KCNB2: variants seen among roughly 807,000 people sequenced by gnomAD.
The protein encoded by KCNB2 is potassium voltage-gated channel subfamily B member 2.
Under a neutral mutation model 61.5 loss-of-function variants are expected in KCNB2, and 15 were observed. The observed-to-expected ratio is 0.24, with a 90% CI of 0.16 to 0.38. The LOEUF (loss-of-function observed/expected upper bound fraction) is 0.38, where lower values mean the gene tolerates loss of function less well. Among genes scored for constraint, KCNB2 ranks in the 10% least tolerant of loss-of-function variants. The probability of loss-of-function intolerance (pLI) is 1.00; values close to 1 mark genes in which losing one functional copy is unlikely to be tolerated. For synonymous variants in KCNB2, 457 were observed against 446.0 expected (o/e 1.02, Z -0.31); for missense variants, 828 against 1,125.2 (o/e 0.74, Z 3.78).
At chr8:72,733,692 T>C (rs541601627) in intron 2 of KCNB2, among the ~76,000 whole-genome samples, 1 of 152,158 alleles carries the variant, frequency 6.6e-6, no homozygotes, top group South Asian at 2.1e-4. Flanking sequence ...TCCAGGAAGG[T>C]AGTCGTTAGG....
At chr8:72,862,295 ATTAG>A (rs1349652945) in intron 2 of KCNB2, among the ~76,000 whole-genome samples, 2 of 152,258 alleles carry the variant, frequency 1.3e-5, no homozygotes, top group Non-Finnish European at 2.9e-5. Context: ...AATCTTTTTA[ATTAG>A]TTAAACAAAT....
chr8:72,621,593 G>T (rs184609481), intron 2 of KCNB2, among the ~76,000 whole-genome samples: 1 of 151,970 alleles, frequency 6.6e-6, no homozygotes. Context: ...TAGTTATAGG[G>T]TACATGATAT....
chr8:72,885,755 C>T (rs1805795773), intron 2 of KCNB2, among the ~76,000 whole-genome samples: 1 of 152,040 alleles, frequency 6.6e-6, no homozygotes, highest in Admixed American at 6.6e-5. Flanking sequence ...CAAAGCTGAA[C>T]TCTGAATAGT....
Position 72,938,282 on chromosome 8 carries a change from T to A in KCNB2, c.*191T>A, listed in dbSNP as rs1442933893. ...TTTAAATAATGAGTCAAGACTGCAT[T>A]TTGTAACAAACCAACAAAAATGACT... On this transcript the variant is annotated 3_prime_UTR_variant, in exon 3 of 3. Transcript: ENST00000523207. 1 of 527,742 alleles carries A rather than the reference T, an allele frequency of 1.9e-6. No individual in the cohort carries two copies. 32.7% of individuals were successfully genotyped at this position (527,742 alleles called of 1,614,324 possible).
chr8:72,931,069 T>G (rs1806771979), intron 2 of KCNB2, among the ~76,000 whole-genome samples: 1 of 152,220 alleles, frequency 6.6e-6, no homozygotes, highest in Admixed American at 6.5e-5. Context: ...TTTCCGCATT[T>G]CTTGTTTTTG....
chr8:72,849,111 TTTC>T (rs1488625631), intron 2 of KCNB2, among the ~76,000 whole-genome samples: 2 of 134,160 alleles, frequency 1.5e-5, no homozygotes, highest in African/African-American at 6.2e-5. Flanking sequence ...TATGACTCAT[TTTC>T]TTAGCCACAA....
intron 2 of KCNB2, among the ~76,000 whole-genome samples, chr8:72,658,401 T>A (rs888877197): frequency 6.6e-5 from 10 of 151,930 alleles, no homozygotes; most frequent in African/African-American, 2.4e-4. Context: ...CTGAGAGAGG[T>A]AAGGAAACTG....
At chr8:72,868,771 A>T (rs1805572374) in intron 2 of KCNB2, among the ~76,000 whole-genome samples, 1 of 152,180 alleles carries the variant, frequency 6.6e-6, no homozygotes, top group African/African-American at 2.4e-5. Flanking sequence ...TGTTCATAAA[A>T]GTAGAAATAC....
Position 72,781,560 on chromosome 8 carries a change from A to G in KCNB2, c.580-154375A>G, listed in dbSNP as rs558584103. Among the ~76,000 whole-genome samples, 10 of 152,244 alleles carry G rather than the reference A, an allele frequency of 6.6e-5. No individual in the cohort carries two copies. The South Asian group carries it at 1.7e-3, about 25-fold the overall frequency. ...ATTTCTGAGATCTCTATTCTGTTCC[A>G]TAGGTCTATGTGTCTGTTTTTGTAC... On this transcript the variant is annotated intron_variant, in intron 2 of 2. Transcript: ENST00000523207.
chr8:72,749,046 T>C (rs761674297), intron 2 of KCNB2, among the ~76,000 whole-genome samples: 2 of 152,208 alleles, frequency 1.3e-5, no homozygotes, highest in Admixed American at 6.5e-5. Flanking sequence ...ATAATGTGTA[T>C]AGTACTCCAG....
intron 2 of KCNB2, among the ~76,000 whole-genome samples, chr8:72,732,478 G>C (rs1323329509): frequency 1.3e-5 from 2 of 152,214 alleles, no homozygotes; most frequent in African/African-American, 4.8e-5. Context: ...TCTATCCTTT[G>C]AACATTTAGA....
chr8:72,631,648 A>G (rs1019843783), intron 2 of KCNB2, among the ~76,000 whole-genome samples: 1 of 152,226 alleles, frequency 6.6e-6, no homozygotes, highest in Non-Finnish European at 1.5e-5. Flanking sequence ...GGAGGACACA[A>G]TTCAACCCAT....
intron 2 of KCNB2, among the ~76,000 whole-genome samples, chr8:72,903,711 G>A (rs914200134): frequency 2.6e-5 from 4 of 152,106 alleles, no homozygotes; most frequent in Admixed American, 1.3e-4. Context: ...TGTCATCTAC[G>A]GAAAGATGTT....
rs1184110567 is a variant in KCNB2, at chr8:72,572,130, C to A, written c.579+3817C>A. On this transcript the variant is annotated intron_variant, in intron 2 of 2. Transcript: ENST00000523207. The stretch of plus-strand genomic sequence containing the variant: ...AAAGAAACTAGACTCATCAGTACCA[C>A]ACAGGGCCCACACTTTGGATGTCTT... Among the ~76,000 whole-genome samples the A allele has an allele frequency of 2.0e-5, 3 of 152,146 alleles. No individual in the cohort carries two copies. In the South Asian group the frequency reaches 6.2e-4, roughly 32 times the overall value.
intron 2 of KCNB2, among the ~76,000 whole-genome samples, chr8:72,679,580 A>G (rs1806719079): frequency 6.6e-6 from 1 of 152,220 alleles, no homozygotes; most frequent in South Asian, 2.1e-4. Flanking sequence ...AATTTATGGA[A>G]TTTTCCATTC....
chr8:72,603,718 T>A (rs753510055), intron 2 of KCNB2, among the ~76,000 whole-genome samples: 1 of 152,178 alleles, frequency 6.6e-6, no homozygotes, highest in Non-Finnish European at 1.5e-5. Flanking sequence ...TATTTGGAAA[T>A]AGGCTTGCTG....
chr8:72,649,250 A>G (rs1563548644), intron 2 of KCNB2, among the ~76,000 whole-genome samples: 1 of 152,144 alleles, frequency 6.6e-6, no homozygotes, highest in South Asian at 2.1e-4. Flanking sequence ...TTCAAGTTAT[A>G]CATCACTGAA....
intron 2 of KCNB2, among the ~76,000 whole-genome samples, chr8:72,720,191 G>C (rs2128992694): frequency 6.6e-6 from 1 of 152,264 alleles, no homozygotes; most frequent in African/African-American, 2.4e-5. Context: ...ATCTCTCAAG[G>C]TACACTGATA....
intron 2 of KCNB2, among the ~76,000 whole-genome samples, chr8:72,699,412 A>C (rs183473235): frequency 0.013 from 1,982 of 150,206 alleles, 15 homozygotes; most frequent in Non-Finnish European, 0.02. Flanking sequence ...GTGTCTGTTC[A>C]TACTCTTTGC....
Sources: gnomAD v4.1 joint callset for allele counts (sites outside exome capture counted in the v4.1 genomes callset) on GRCh38, gnomAD v4.1.1 for gene constraint, MANE v1.5 for transcripts, NCBI Gene and HGNC (gene_info 2026-07-23, HGNC 2026-07-21) for gene names.